Variants in CNTN5 observed in about 807,000 individuals in gnomAD.
CNTN5 encodes the protein contactin-5.
Under a neutral mutation model 129.1 loss-of-function variants are expected in CNTN5, and 77 were observed. The ratio of observed to expected loss-of-function variants is 0.60; its 90% confidence interval spans 0.50 to 0.72. The LOEUF (loss-of-function observed/expected upper bound fraction) is 0.72. Among genes scored for constraint, CNTN5 ranks in the 30% least tolerant of loss-of-function variants. The pLI, the probability that CNTN5 is intolerant of heterozygous loss-of-function variation, is 0.00. For missense variants in CNTN5, 1,478 were observed against 1,328.8 expected (o/e 1.11, Z -1.75); for synonymous variants, 509 against 465.6 (o/e 1.09, Z -1.20).
intron 1 of CNTN5, among the ~76,000 whole-genome samples, chr11:99,140,809 A>T (rs1164006292): frequency 6.6e-6 from 1 of 152,086 alleles, no homozygotes; most frequent in Non-Finnish European, 1.5e-5. Flanking sequence ...TCATTTACAT[A>T]TATCAAACCA....
intron 18 of CNTN5, among the ~76,000 whole-genome samples, chr11:100,281,434 T>G (rs1426914315): frequency 6.6e-6 from 1 of 152,208 alleles, no homozygotes; most frequent in Non-Finnish European, 1.5e-5. Flanking sequence ...CTGTAAAGTT[T>G]CCACTGAAAA....
intron 3 of CNTN5, among the ~76,000 whole-genome samples, chr11:99,650,841 G>T (rs1306567466): frequency 6.6e-6 from 1 of 151,836 alleles, no homozygotes; most frequent in Non-Finnish European, 1.5e-5. Flanking sequence ...TAAGCTAAAT[G>T]CCCTAATTAT....
At chr11:99,739,118 C>CTAAATCATATG (rs1943809160) in intron 3 of CNTN5, among the ~76,000 whole-genome samples, 1 of 152,114 alleles carries the variant, frequency 6.6e-6, no homozygotes, top group Admixed American at 6.6e-5. Flanking sequence ...ACTTTGCTGT[C>CTAAATCATATG]TTTATAGCTG....
At chr11:99,524,645 C>G (rs1947416090) in intron 2 of CNTN5, among the ~76,000 whole-genome samples, 1 of 151,892 alleles carries the variant, frequency 6.6e-6, no homozygotes, top group Non-Finnish European at 1.5e-5. Flanking sequence ...AAACCCATCT[C>G]TACTAAAAAT....
chr11:99,892,739 ATAGTT>A (rs1258626505), intron 6 of CNTN5, among the ~76,000 whole-genome samples: 14 of 152,252 alleles, frequency 9.2e-5, no homozygotes, highest in African/African-American at 2.6e-4. Flanking sequence ...GCCTTGTAGT[ATAGTT>A]TAAAGTCAGG....
At chr11:99,228,816 A>G (rs1860829240) in intron 1 of CNTN5, among the ~76,000 whole-genome samples, 1 of 152,052 alleles carries the variant, frequency 6.6e-6, no homozygotes, top group Non-Finnish European at 1.5e-5. Context: ...TATATACATT[A>G]ACTCTTTCTC....
intron 8 of CNTN5, among the ~76,000 whole-genome samples, chr11:99,990,460 A>ACACACACACACG (rs1227754812): frequency 6.7e-6 from 1 of 149,650 alleles, no homozygotes; most frequent in Non-Finnish European, 1.5e-5. Context: ...ATATATACAC[A>ACACACACACACG]CACACACACA....
intron 1 of CNTN5, among the ~76,000 whole-genome samples, chr11:99,203,009 G>A (rs1295056802): frequency 6.6e-6 from 1 of 151,432 alleles, no homozygotes; most frequent in Non-Finnish European, 1.5e-5. Flanking sequence ...AAGAAAGGAA[G>A]GAAGGAAAGA....
chr11:99,508,011 C>G (rs1019155521), intron 2 of CNTN5, among the ~76,000 whole-genome samples: 2 of 152,124 alleles, frequency 1.3e-5, no homozygotes, highest in African/African-American at 2.4e-5. Context: ...AACATCAGCT[C>G]TACTAAAATG....
At chr11:99,447,676 C>T (rs762236286) in intron 2 of CNTN5, among the ~76,000 whole-genome samples, 5 of 152,148 alleles carry the variant, frequency 3.3e-5, no homozygotes, top group African/African-American at 4.8e-5. Context: ...CCTGTAATCC[C>T]AGCACTTTGG....
intron 1 of CNTN5, among the ~76,000 whole-genome samples, chr11:99,112,688 G>A (rs1333343102): frequency 6.6e-6 from 1 of 151,916 alleles, no homozygotes; most frequent in Non-Finnish European, 1.5e-5. Flanking sequence ...TAAACCTAGA[G>A]TTAATTTCAA....
At chr11:99,091,333 T>G (rs1332607695) in intron 1 of CNTN5, among the ~76,000 whole-genome samples, 2 of 152,192 alleles carry the variant, frequency 1.3e-5, no homozygotes, top group African/African-American at 4.8e-5. Context: ...TTACTGGGGC[T>G]AATCAGGAAA....
chr11:99,299,338 G>A (rs1864523639), intron 1 of CNTN5, among the ~76,000 whole-genome samples: 1 of 151,952 alleles, frequency 6.6e-6, no homozygotes, highest in African/African-American at 2.4e-5. Context: ...GAGAATAATA[G>A]TAAAGGAACA....
At chr11:99,968,438 G>A (rs1446475756) in intron 8 of CNTN5, among the ~76,000 whole-genome samples, 1 of 151,564 alleles carries the variant, frequency 6.6e-6, no homozygotes, top group East Asian at 1.9e-4. Context: ...TTATTTTAAG[G>A]AAAGAATTGT....
chr11:99,108,488 C>T (rs1241960894), intron 1 of CNTN5, among the ~76,000 whole-genome samples: 4 of 151,978 alleles, frequency 2.6e-5, no homozygotes, highest in East Asian at 1.9e-4. Context: ...TTATTGGGGG[C>T]GTTACTGGAA....
chr11:99,136,038 AAAAT>A (rs1241402416), intron 1 of CNTN5, among the ~76,000 whole-genome samples: 2 of 152,190 alleles, frequency 1.3e-5, no homozygotes, highest in Admixed American at 6.5e-5. Context: ...GTATGTCACT[AAAAT>A]AAACACTTTA....
At chr11:100,337,275 G>C in intron 21 of CNTN5, 5 of 1,302,794 alleles carry the variant, frequency 3.8e-6, no homozygotes, top group Non-Finnish European at 5.5e-6. Context: ...AAAAGAGCCT[G>C]GTAGCCTTTA....
chr11:99,548,860 A>C (rs867005173), intron 2 of CNTN5, among the ~76,000 whole-genome samples: 14 of 152,228 alleles, frequency 9.2e-5, no homozygotes, highest in African/African-American at 3.4e-4. Context: ...GGTCTTTAAG[A>C]ATCTTAAAAT....
intron 13 of CNTN5, among the ~76,000 whole-genome samples, chr11:100,091,851 T>G (rs559852156): frequency 5.3e-5 from 8 of 152,158 alleles, no homozygotes; most frequent in African/African-American, 9.6e-5. Context: ...AAATATGTTT[T>G]AAATGAATTT....
Sources: gnomAD v4.1 joint callset for allele counts (sites outside exome capture counted in the v4.1 genomes callset) on GRCh38, gnomAD v4.1.1 for gene constraint, MANE v1.5 for transcripts, NCBI Gene and HGNC (gene_info 2026-07-23, HGNC 2026-07-21) for gene names.